SKAP1: variants seen among roughly 807,000 people sequenced by gnomAD.
The protein encoded by SKAP1 is src kinase associated phosphoprotein 1.
In SKAP1, 44 loss-of-function variants were observed where a neutral mutation model predicts 58.5. The observed-to-expected ratio is 0.75, with a 90% confidence interval of 0.59 to 0.97. The LOEUF is 0.97. Ranked by LOEUF, SKAP1 falls within the 50% of genes least tolerant of loss-of-function variation. The pLI is 0.00. For synonymous variants in SKAP1, 127 were observed against 149.7 expected (o/e 0.85, Z 1.11); for missense variants, 390 against 435.2 (o/e 0.90, Z 0.92).
chr17:48,232,708 C>T (rs191278273), intron 4 of SKAP1, among the ~76,000 whole-genome samples: 16 of 152,178 alleles, frequency 1.1e-4, no homozygotes, highest in Admixed American at 5.2e-4. Context: ...GTTCAGACAT[C>T]GATTGCTGTC....
intron 9 of SKAP1, among the ~76,000 whole-genome samples, chr17:48,173,597 A>G (rs558176208): frequency 6.6e-6 from 1 of 152,356 alleles, no homozygotes; most frequent in South Asian, 2.1e-4. Context: ...GACAGAGAGC[A>G]GCTCTTTTGT....
At chr17:48,135,462 T>C (rs1428265862) in intron 12 of SKAP1, among the ~76,000 whole-genome samples, 1 of 152,196 alleles carries the variant, frequency 6.6e-6, no homozygotes, top group East Asian at 1.9e-4. Context: ...TGGTTCTTGC[T>C]AATACAACAC....
chr17:48,270,272 TGCTCACAC>T (rs1419989776), intron 4 of SKAP1, among the ~76,000 whole-genome samples: 6 of 152,220 alleles, frequency 3.9e-5, no homozygotes, highest in African/African-American at 9.6e-5. Flanking sequence ...TACATGCATG[TGCTCACAC>T]ATACACACCT....
intron 9 of SKAP1, among the ~76,000 whole-genome samples, chr17:48,179,421 T>C (rs2064337618): frequency 6.6e-6 from 1 of 152,152 alleles, no homozygotes. Flanking sequence ...GACTATACAT[T>C]TTTTGAGATG....
chr17:48,274,033 C>A (rs1439620903), intron 4 of SKAP1, among the ~76,000 whole-genome samples: 1 of 152,172 alleles, frequency 6.6e-6, no homozygotes, highest in Non-Finnish European at 1.5e-5. Context: ...AAGGGATCCT[C>A]CTGCTTCAGC....
intron 4 of SKAP1, among the ~76,000 whole-genome samples, chr17:48,290,993 G>T (rs187975672): frequency 2.0e-5 from 3 of 152,184 alleles, no homozygotes; most frequent in Admixed American, 2.0e-4. Context: ...AAATTAGCTG[G>T]CTGTGGTGGC....
intron 4 of SKAP1, among the ~76,000 whole-genome samples, chr17:48,267,716 A>G (rs2143963372): frequency 6.6e-6 from 1 of 152,312 alleles, no homozygotes; most frequent in South Asian, 2.1e-4. Context: ...ATTATTTACT[A>G]TATTTCTGTT....
At chr17:48,349,928 A>G (rs1027769397) in intron 3 of SKAP1, among the ~76,000 whole-genome samples, 5 of 152,194 alleles carry the variant, frequency 3.3e-5, no homozygotes, top group Non-Finnish European at 7.3e-5. Context: ...AGTCTTGGCC[A>G]CTAGAAGTTG....
At chr17:48,366,120 C>A (rs1009837311) in intron 2 of SKAP1, among the ~76,000 whole-genome samples, 1 of 152,114 alleles carries the variant, frequency 6.6e-6, no homozygotes, top group Non-Finnish European at 1.5e-5. Context: ...ACATACATTA[C>A]TAAAATTAGG....
intron 4 of SKAP1, among the ~76,000 whole-genome samples, chr17:48,267,911 G>A (rs1260079887): frequency 6.6e-6 from 1 of 152,108 alleles, no homozygotes; most frequent in Non-Finnish European, 1.5e-5. Context: ...TTGCTTATAG[G>A]TACCTTTACA....
intron 4 of SKAP1, among the ~76,000 whole-genome samples, chr17:48,252,610 T>C (rs993083135): frequency 2.0e-5 from 3 of 152,178 alleles, no homozygotes; most frequent in African/African-American, 7.2e-5. Context: ...CCTTAATGAA[T>C]AGAATTGCTA....
chr17:48,220,852 CAAAAAAAAAAAAAAAAAA>C (rs56006389), intron 4 of SKAP1, among the ~76,000 whole-genome samples: 1 of 83,660 alleles, frequency 1.2e-5, no homozygotes, highest in Non-Finnish European at 2.1e-5. Flanking sequence ...GACTCCATCT[CAAAAAAAAAAAAAAAAAA>C]AAAAAAAGAA....
chr17:48,426,900 G>A lies in SKAP1; in HGVS notation c.46+3175C>T, dbSNP rs568375283. On this transcript the variant is annotated intron_variant, in intron 1 of 12. Transcript: ENST00000336915. ...TCCATACCCCTCAGGGCTAAAAAGAGAAAAACATGATCACAAGCATAGTAA... is the reference window on the plus strand; with the variant it reads ...TCCATACCCCTCAGGGCTAAAAAGAAAAAAACATGATCACAAGCATAGTAA... 3.3e-5 allele frequency among the ~76,000 whole-genome samples: 5 copies of A among 151,658 alleles called. No individual in the cohort carries two copies. In the South Asian group the frequency reaches 1.0e-3, roughly 32 times the overall value.
upstream of SKAP1, among the ~76,000 whole-genome samples, chr17:48,430,626 T>G (rs1228223049): frequency 2.0e-5 from 3 of 152,074 alleles, no homozygotes; most frequent in Non-Finnish European, 4.4e-5. Context: ...AGTTCACATC[T>G]CCATCCCCAG....
intron 1 of SKAP1, among the ~76,000 whole-genome samples, chr17:48,414,415 C>A (rs1424827534): frequency 2.0e-5 from 3 of 151,804 alleles, no homozygotes; most frequent in Admixed American, 1.3e-4. Context: ...GTTGGAGAGA[C>A]AAAAAATTTC....
At chr17:48,190,592 CAGAT>C (rs1421460562) in intron 4 of SKAP1, among the ~76,000 whole-genome samples, 1 of 152,118 alleles carries the variant, frequency 6.6e-6, no homozygotes, top group African/African-American at 2.4e-5. Flanking sequence ...TCTTAACAAA[CAGAT>C]AGCCATCTCT....
At chr17:48,404,704 AAAAAG>A (rs2067547557) in intron 1 of SKAP1, among the ~76,000 whole-genome samples, 1 of 152,106 alleles carries the variant, frequency 6.6e-6, no homozygotes, top group Non-Finnish European at 1.5e-5. Context: ...AAAATATAGA[AAAAAG>A]AAAAGCAAAA....
At chr17:48,366,051 C>T (rs904828402) in intron 2 of SKAP1, among the ~76,000 whole-genome samples, 6 of 152,058 alleles carry the variant, frequency 3.9e-5, no homozygotes, top group Non-Finnish European at 8.8e-5. Context: ...TTAAAGGGTC[C>T]ATAAACCCCC....
At chr17:48,193,987 A>C (rs2064587970) in intron 4 of SKAP1, among the ~76,000 whole-genome samples, 1 of 152,214 alleles carries the variant, frequency 6.6e-6, no homozygotes, top group Non-Finnish European at 1.5e-5. Context: ...GTCATGAAAA[A>C]ATAAAAATGA....
Sources: allele counts gnomAD v4.1 joint callset (sites outside exome capture counted in the v4.1 genomes callset), GRCh38; gene constraint gnomAD v4.1.1; transcripts MANE v1.5; gene names NCBI Gene and HGNC (gene_info 2026-07-23, HGNC 2026-07-21).